SASH1: variants seen among roughly 807,000 people sequenced by gnomAD.
SASH1 encodes the protein SAM and SH3 domain containing 1, also known as SAM and SH3 domain-containing protein 1.
Under a neutral mutation model 125.2 loss-of-function variants are expected in SASH1, and 44 were observed. That is an observed-to-expected ratio of 0.35 (90% CI 0.28 to 0.45). The LOEUF is 0.45. SASH1 is among the 20% of genes least tolerant of loss of function. The pLI, the probability that SASH1 is intolerant of heterozygous loss-of-function variation, is 1.00. For missense variants in SASH1, 1,426 were observed against 1,614.5 expected (o/e 0.88, Z 2.00); for synonymous variants, 639 against 649.1 (o/e 0.98, Z 0.24).
chr6:148,354,369 ATT>A, intron 1 of SASH1, among the ~76,000 whole-genome samples: 1 of 152,282 alleles, frequency 6.6e-6, no homozygotes, highest in South Asian at 2.1e-4. Flanking sequence ...TAGTTTACTT[ATT>A]TAGAAACATG....
intron 1 of SASH1, among the ~76,000 whole-genome samples, chr6:148,358,560 T>C (rs556958071): frequency 2.0e-4 from 31 of 152,278 alleles, no homozygotes; most frequent in African/African-American, 7.0e-4. Context: ...ATTGTACCAG[T>C]GCCTTGGTTG....
At chr6:148,543,363 G>A (rs208697) in intron 17 of SASH1, among the ~76,000 whole-genome samples, 19,184 of 152,134 alleles carry the variant, frequency 0.13, 1,526 homozygotes, top group Middle Eastern at 0.26. Flanking sequence ...CTCTTTCCAC[G>A]TCGATTGCAG....
the SASH1 span, among the ~76,000 whole-genome samples, chr6:148,198,231 C>T: frequency 6.0e-3 from 909 of 152,316 alleles, 9 homozygotes; most frequent in African/African-American, 0.02. Flanking sequence ...CTCTCCTTTG[C>T]CTTCCGCCAT....
intron 7 of SASH1, among the ~76,000 whole-genome samples, chr6:148,476,212 A>G (rs1321258005): frequency 6.0e-5 from 9 of 150,308 alleles, no homozygotes; most frequent in Non-Finnish European, 1.5e-5. Context: ...AATAAACTCA[A>G]CCAAAGAAGT....
chr6:148,203,577 A>G, the SASH1 span, among the ~76,000 whole-genome samples: 1 of 152,208 alleles, frequency 6.6e-6, no homozygotes, highest in Non-Finnish European at 1.5e-5. Context: ...GAGAAAAAAC[A>G]CTTATATTAA....
At chr6:148,340,490 C>CAAAAATAAAAA (rs1781288749), upstream of SASH1, among the ~76,000 whole-genome samples, 1 of 117,310 alleles carries the variant, frequency 8.5e-6, no homozygotes. Context: ...GACTCTGTCT[C>CAAAAATAAAAA]AAAAAAAAAA....
At chr6:148,433,017 C>A (rs148151519) in intron 2 of SASH1, among the ~76,000 whole-genome samples, 3 of 152,122 alleles carry the variant, frequency 2.0e-5, no homozygotes, top group Non-Finnish European at 2.9e-5. Flanking sequence ...ACATTTGTTT[C>A]GGTTTTGGTT....
intron 1 of SASH1, among the ~76,000 whole-genome samples, chr6:148,330,328 C>T (rs1780956013): frequency 6.6e-6 from 1 of 152,162 alleles, no homozygotes; most frequent in South Asian, 2.1e-4. Flanking sequence ...AACACGATGG[C>T]ACCTCAAAGA....
rs567479941 is a variant in SASH1 at position 148,532,347 on chromosome 6, C to T, written c.1565-450C>T. On this transcript the variant is annotated intron_variant, in intron 13 of 19. Transcript: ENST00000367467. This position sits in a 1 kb window ranked among gnomAD's most constrained non-coding sequence, Gnocchi z 4.7. Reference sequence around the variant, plus strand: ...CCTCCTAAAGTGCTGGGATTATAGGCGTGAGCCACCGTGCCCCGAGATCAA... The same window carrying T: ...CCTCCTAAAGTGCTGGGATTATAGGTGTGAGCCACCGTGCCCCGAGATCAA... Among the ~76,000 whole-genome samples, 3 of 152,322 alleles carry T rather than the reference C, an allele frequency of 2.0e-5. No individual in the cohort carries two copies. Among genetic ancestry groups the T allele is most frequent in the Middle Eastern group, 3.4e-3 (1 of 294 alleles).
Position 148,535,047 on chromosome 6 carries a change from C to G in SASH1, c.2095+146C>G, listed in dbSNP as rs561708079. ...AAGAGTATGACAGTAAGTCCCTGTA[C>G]GCACAGAGGTGTTCCCTGTGAGGTC... On this transcript the variant is annotated intron_variant, in intron 16 of 19. Coordinates refer to ENST00000367467, the MANE Select transcript of SASH1 (RefSeq NM_015278.5). 1.2e-4 allele frequency: 110 copies of G among 914,306 alleles called. 1 individual carries two copies. The East Asian group carries it at 2.0e-3, about 17-fold the overall frequency. 56.6% of individuals were successfully genotyped at this position (914,306 alleles called of 1,614,324 possible).
chr6:148,507,376 G>A (rs1166092370), intron 8 of SASH1, among the ~76,000 whole-genome samples: 1 of 151,912 alleles, frequency 6.6e-6, no homozygotes, highest in African/African-American at 2.4e-5. Flanking sequence ...TGTTGTTGTT[G>A]TTGTTGTTGT....
chr6:148,390,792 A>C (rs1783682733), intron 2 of SASH1, among the ~76,000 whole-genome samples: 1 of 151,986 alleles, frequency 6.6e-6, no homozygotes, highest in Non-Finnish European at 1.5e-5. Flanking sequence ...CGTCTCAAAA[A>C]AAAAAAAATA....
intron 1 of SASH1, among the ~76,000 whole-genome samples, chr6:148,343,701 A>G (rs1468894265): frequency 6.6e-6 from 1 of 152,168 alleles, no homozygotes; most frequent in Non-Finnish European, 1.5e-5. Context: ...TTGTGGAGTT[A>G]CAGGATATTT....
At chr6:148,368,474 T>C (rs1302832470) in intron 1 of SASH1, among the ~76,000 whole-genome samples, 1 of 152,128 alleles carries the variant, frequency 6.6e-6, no homozygotes, top group African/African-American at 2.4e-5. Flanking sequence ...TTTCACCATG[T>C]TGGCCAGGCT....
chr6:148,313,801 C>T (rs1174030434), intron 1 of SASH1, among the ~76,000 whole-genome samples: 1 of 152,162 alleles, frequency 6.6e-6, no homozygotes, highest in Non-Finnish European at 1.5e-5. Flanking sequence ...GAAGTGGGAG[C>T]TGTAATTGTG....
chr6:148,430,404 T>C lies in SASH1; in HGVS notation c.286-9780T>C, dbSNP rs1165008273. Among the ~76,000 whole-genome samples, 4 of 152,356 alleles carry C rather than the reference T, an allele frequency of 2.6e-5. No homozygotes were observed. In the East Asian group the frequency reaches 7.7e-4, roughly 29 times the overall value. ...TGGAGTGCAGTGGCGCCATCTCAGC[T>C]TGCTGCAGCCTTCGCCTCCTGGGTT... is the stretch of plus-strand genomic sequence containing the variant. On this transcript the variant is annotated intron_variant, in intron 2 of 19. Transcript: ENST00000367467.
Position 148,315,575 on chromosome 6 carries a change from C to T in SASH1, n.74+43198C>T, listed in dbSNP as rs548422738. Among the ~76,000 whole-genome samples, 48 of 152,264 alleles carry T rather than the reference C, an allele frequency of 3.2e-4. No individual in the cohort carries two copies. The South Asian group carries it at 9.7e-3, about 31-fold the overall frequency. On this transcript the variant is annotated intron_variant and non_coding_transcript_variant, in intron 1 of 3. Transcript: ENST00000367469. ...CTTTCTTAAATTTAAGAGATTTCCTCGCTTTAGTTATGGGAGCTTTCTTAC... is the reference window on the plus strand; with the variant it reads ...CTTTCTTAAATTTAAGAGATTTCCTTGCTTTAGTTATGGGAGCTTTCTTAC...
the SASH1 span, among the ~76,000 whole-genome samples, chr6:148,223,576 A>G: frequency 2.0e-5 from 3 of 152,192 alleles, no homozygotes; most frequent in Non-Finnish European, 2.9e-5. Context: ...ATGTTCGCTC[A>G]TGTAACCCAC....
chr6:148,334,596 G>A (rs891421913), intron 1 of SASH1, among the ~76,000 whole-genome samples: 7 of 152,002 alleles, frequency 4.6e-5, no homozygotes, highest in Admixed American at 3.9e-4. Flanking sequence ...CGGATCACCT[G>A]AGGTCAGGAC....
Sources: gnomAD v4.1 joint callset for allele counts (sites outside exome capture counted in the v4.1 genomes callset) on GRCh38, gnomAD v4.1.1 for gene constraint, Gnocchi (gnomAD v3.1) non-coding constraint, MANE v1.5 for transcripts, NCBI Gene and HGNC (gene_info 2026-07-23, HGNC 2026-07-21) for gene names.